Variants in ASTN2 observed in about 807,000 individuals in gnomAD.
ASTN2 encodes the protein astrotactin 2.
ASTN2 carries 54 observed loss-of-function variants against 139.8 expected under a neutral mutation model. The ratio of observed to expected loss-of-function variants is 0.39; its 90% confidence interval spans 0.31 to 0.48. The LOEUF is 0.48. Ranked by LOEUF, ASTN2 falls within the 20% of genes least tolerant of loss-of-function variation. The pLI is 0.95. For missense variants in ASTN2, 1,565 were observed against 1,725.1 expected (o/e 0.91, Z 1.64); for synonymous variants, 756 against 719.5 (o/e 1.05, Z -0.81).
intron 22 of ASTN2, among the ~76,000 whole-genome samples, chr9:116,432,513 T>C (rs896482115): frequency 6.6e-6 from 1 of 152,176 alleles, no homozygotes; most frequent in Non-Finnish European, 1.5e-5. Flanking sequence ...AATCTATTGT[T>C]CAGGATATTA....
At chr9:117,308,559 A>C (rs952166163) in intron 1 of ASTN2, among the ~76,000 whole-genome samples, 2 of 152,114 alleles carry the variant, frequency 1.3e-5, no homozygotes, top group African/African-American at 4.8e-5. Context: ...TTTCAAGTGC[A>C]CTTTCAGGAG....
chr9:116,926,453 T>C (rs1041561854), intron 10 of ASTN2, among the ~76,000 whole-genome samples: 1 of 152,222 alleles, frequency 6.6e-6, no homozygotes, highest in Non-Finnish European at 1.5e-5. Flanking sequence ...TCCTTCTTTT[T>C]GGTCCCTGCC....
intron 3 of ASTN2, among the ~76,000 whole-genome samples, chr9:117,192,889 A>T (rs530911756): frequency 6.6e-6 from 1 of 152,368 alleles, no homozygotes; most frequent in South Asian, 2.1e-4. Flanking sequence ...TCAATAACAC[A>T]CAGTTTATCA....
chr9:116,983,129 G>A (rs1836558783), intron 7 of ASTN2, among the ~76,000 whole-genome samples: 1 of 152,076 alleles, frequency 6.6e-6, no homozygotes, highest in South Asian at 2.1e-4. Flanking sequence ...TTTCTTATTT[G>A]CTCTTCTTGT....
chr9:116,664,219 G>T (rs1034354784), intron 16 of ASTN2, among the ~76,000 whole-genome samples: 8 of 151,858 alleles, frequency 5.3e-5, no homozygotes, highest in African/African-American at 1.9e-4. Flanking sequence ...TGGAAAAAAG[G>T]AAAGTGCAGA....
chr9:116,567,797 T>C (rs1262925979), intron 19 of ASTN2, among the ~76,000 whole-genome samples: 2 of 152,176 alleles, frequency 1.3e-5, no homozygotes, highest in Non-Finnish European at 2.9e-5. Flanking sequence ...TTATTGAAAC[T>C]GTACTGCCTG....
intron 16 of ASTN2, among the ~76,000 whole-genome samples, chr9:116,652,420 A>G (rs989035625): frequency 6.6e-6 from 1 of 152,202 alleles, no homozygotes; most frequent in Non-Finnish European, 1.5e-5. Flanking sequence ...AGATATAAAT[A>G]TTCAAAGATA....
chr9:117,020,160 G>A (rs1837835071), intron 6 of ASTN2, among the ~76,000 whole-genome samples: 1 of 151,706 alleles, frequency 6.6e-6, no homozygotes, highest in Admixed American at 6.6e-5. Context: ...TTTAATATGT[G>A]CTTCATTTAC....
chr9:116,892,564 G>A (rs544343023), intron 10 of ASTN2, among the ~76,000 whole-genome samples: 9 of 152,134 alleles, frequency 5.9e-5, no homozygotes, highest in African/African-American at 1.7e-4. Flanking sequence ...AGCTGGTCCC[G>A]GTCAGATTGC....
intron 3 of ASTN2, among the ~76,000 whole-genome samples, chr9:117,187,696 A>T (rs1451092492): frequency 1.3e-5 from 2 of 152,130 alleles, no homozygotes; most frequent in East Asian, 3.9e-4. Context: ...CCCCATCAGC[A>T]AGAAGGCCCT....
intron 2 of ASTN2, among the ~76,000 whole-genome samples, chr9:117,225,537 A>ATGTATG (rs1460719604): frequency 1.9e-3 from 47 of 24,396 alleles, no homozygotes; most frequent in South Asian, 6.3e-3. Context: ...AGCTGTATGT[A>ATGTATG]TATATATATA....
rs182920283 is a variant in ASTN2, at chr9:117,214,688, C to A, written c.685G>T (p.Ala229Ser). The A allele has an allele frequency of 2.6e-6, 4 of 1,537,396 alleles. No individual in the cohort carries two copies. The highest frequency in any genetic ancestry group is 2.7e-5 in the African/African-American group (2 of 73,510). ...CGACGCTTCTGCCAACGTCGCTGGG[C>A]GTACAGCGCCACGGTGAACACCAGC... ...LLLVFTVALY[A>S]QRRWQKRRRI... The change falls in exon 3 of 23, where the codon GCC becomes TCC. Residue 229 changes from alanine to serine, a missense_variant. Physicochemically the swap from Ala to Ser is moderately conservative, Grantham distance 99. Transcript: ENST00000313400.
chr9:117,060,435 A>G lies in ASTN2; in HGVS notation c.1277-20470T>C, dbSNP rs200181195. Among the ~76,000 whole-genome samples, 57 of 38,916 alleles carry G rather than the reference A, an allele frequency of 1.5e-3. 4 individuals carry two copies. Among genetic ancestry groups the G allele is most frequent in the African/African-American group, 6.2e-3 (40 of 6,436 alleles). The allele number at this position is 38,916 out of a possible 152,430, so 25.5% of individuals were successfully genotyped here. A position where few individuals can be genotyped will look rare whatever the true frequency, so the allele number is the denominator to read the frequency against. On this transcript the variant is annotated intron_variant, in intron 5 of 22. Transcript: ENST00000313400. Reference sequence around the variant, plus strand: ...GAAGGAAAGGAAGGAAGGAAGGAAGAGAGAGAGAGAAAGAAAGAAAGAAAG... The same window carrying G: ...GAAGGAAAGGAAGGAAGGAAGGAAGGGAGAGAGAGAAAGAAAGAAAGAAAG...
chr9:116,975,553 T>C (rs1836320078), intron 9 of ASTN2, among the ~76,000 whole-genome samples: 1 of 152,182 alleles, frequency 6.6e-6, no homozygotes, highest in Non-Finnish European at 1.5e-5. Flanking sequence ...ATGAATTGCT[T>C]TGTGTTGCTA....
intron 11 of ASTN2, among the ~76,000 whole-genome samples, chr9:116,850,067 A>G (rs1832552620): frequency 6.6e-6 from 1 of 152,166 alleles, no homozygotes; most frequent in African/African-American, 2.4e-5. Flanking sequence ...GAAAAGGATG[A>G]GGTTCCCAAG....
chr9:117,353,367 ATAT>A (rs1397064434), intron 1 of ASTN2, among the ~76,000 whole-genome samples: 1 of 152,178 alleles, frequency 6.6e-6, no homozygotes, highest in Non-Finnish European at 1.5e-5. Context: ...GTACTGTCCA[ATAT>A]GGTCAACACT....
chr9:117,095,355 T>C (rs1338141698), intron 5 of ASTN2, among the ~76,000 whole-genome samples: 1 of 152,236 alleles, frequency 6.6e-6, no homozygotes, highest in East Asian at 1.9e-4. Flanking sequence ...CGATGGATCT[T>C]GGCCACAGGT....
chr9:117,316,678 A>G (rs1828153561), intron 1 of ASTN2, among the ~76,000 whole-genome samples: 3 of 152,136 alleles, frequency 2.0e-5, no homozygotes. Context: ...GAATGACCGG[A>G]ACACTCTAAC....
chr9:116,487,533 G>C, intron 19 of ASTN2, 33 bp from the exon 20 acceptor site: 2 of 1,606,166 alleles, frequency 1.2e-6, no homozygotes, highest in Admixed American at 3.4e-5. Context: ...GAGCTCCCCA[G>C]CTCAGGCCAT....
Sources: gnomAD v4.1 joint callset for allele counts (sites outside exome capture counted in the v4.1 genomes callset) on GRCh38, gnomAD v4.1.1 for gene constraint, MANE v1.5 for transcripts, NCBI Gene and HGNC (gene_info 2026-07-23, HGNC 2026-07-21) for gene names.